DIAPH3: variants seen among roughly 807,000 people sequenced by gnomAD.
DIAPH3 encodes diaphanous related formin 3, also known as protein diaphanous homolog 3.
DIAPH3 carries 117 observed loss-of-function variants against 144.3 expected under a neutral mutation model. The ratio of observed to expected loss-of-function variants is 0.81; its 90% CI spans 0.70 to 0.95. The LOEUF (loss-of-function observed/expected upper bound fraction) is 0.95, where lower values mean the gene tolerates loss of function less well. DIAPH3 is among the 40% of genes least tolerant of loss of function. The pLI is 0.00. For missense variants in DIAPH3, 1,421 were observed against 1,412.7 expected, an observed-to-expected ratio of 1.01 and a Z score of -0.09; for synonymous variants, 519 against 488.9, an observed-to-expected ratio of 1.06 and a Z score of -0.81.
At chr13:59,725,482 T>C (rs2035563790) in intron 27 of DIAPH3, among the ~76,000 whole-genome samples, 1 of 152,202 alleles carries the variant, frequency 6.6e-6, no homozygotes, top group Non-Finnish European at 1.5e-5. Flanking sequence ...CAGCTTTCAT[T>C]AGTCACTGCA....
chr13:59,886,332 C>A (rs1193848010), intron 20 of DIAPH3, among the ~76,000 whole-genome samples: 1 of 152,030 alleles, frequency 6.6e-6, no homozygotes, highest in East Asian at 1.9e-4. Flanking sequence ...CTATTTCTAA[C>A]CTTCTAGAAA....
intron 17 of DIAPH3, among the ~76,000 whole-genome samples, chr13:59,939,178 G>A (rs2048400999): frequency 6.6e-6 from 1 of 152,114 alleles, no homozygotes; most frequent in Non-Finnish European, 1.5e-5. Flanking sequence ...TTCCCAAGAG[G>A]TGTTCAAAGG....
intron 5 of DIAPH3, among the ~76,000 whole-genome samples, chr13:60,022,725 ACT>A (rs2141032632): frequency 6.6e-6 from 1 of 152,180 alleles, no homozygotes; most frequent in Non-Finnish European, 1.5e-5. Context: ...CACTGCAATG[ACT>A]CTGTTTCCAA....
At chr13:60,034,227 T>C (rs963059267) in intron 5 of DIAPH3, among the ~76,000 whole-genome samples, 5 of 152,196 alleles carry the variant, frequency 3.3e-5, no homozygotes, top group Non-Finnish European at 1.5e-5. Context: ...TTCATACTGA[T>C]AGCTGTAAAG....
At chr13:59,859,576 C>T (rs867808932) in intron 22 of DIAPH3, among the ~76,000 whole-genome samples, 2 of 152,040 alleles carry the variant, frequency 1.3e-5, no homozygotes, top group African/African-American at 2.4e-5. Flanking sequence ...AAAAAACTCC[C>T]GGTGTATTTC....
intron 27 of DIAPH3, among the ~76,000 whole-genome samples, chr13:59,682,404 C>T (rs1174474959): frequency 6.6e-6 from 1 of 152,142 alleles, no homozygotes; most frequent in African/African-American, 2.4e-5. Flanking sequence ...TCACTGTAGC[C>T]TCAAAATCCT....
chr13:59,831,306 G>C (rs2041765958), intron 24 of DIAPH3, among the ~76,000 whole-genome samples: 1 of 151,808 alleles, frequency 6.6e-6, no homozygotes, highest in Non-Finnish European at 1.5e-5. Flanking sequence ...ATAGAACTCA[G>C]AAAAGCCATT....
At chr13:59,901,536 TACTATCTG>T (rs1472181695) in intron 20 of DIAPH3, among the ~76,000 whole-genome samples, 1 of 152,200 alleles carries the variant, frequency 6.6e-6, no homozygotes, top group Non-Finnish European at 1.5e-5. Flanking sequence ...GAGCATTCAC[TACTATCTG>T]ATATTACATT....
At chr13:60,069,463 G>A (rs933245716) in intron 4 of DIAPH3, among the ~76,000 whole-genome samples, 1 of 151,982 alleles carries the variant, frequency 6.6e-6, no homozygotes, top group Admixed American at 6.6e-5. Flanking sequence ...TTTGCTGTGA[G>A]GGTGCTCTTT....
intron 17 of DIAPH3, among the ~76,000 whole-genome samples, chr13:59,948,931 A>T (rs1328870803): frequency 6.6e-6 from 1 of 152,162 alleles, no homozygotes; most frequent in Non-Finnish European, 1.5e-5. Flanking sequence ...TCATTTAAAG[A>T]TCTAATTTAA....
At chr13:59,724,861 G>A (rs561452999) in intron 27 of DIAPH3, among the ~76,000 whole-genome samples, 1 of 152,260 alleles carries the variant, frequency 6.6e-6, no homozygotes, top group East Asian at 1.9e-4. Context: ...GGCTATATGA[G>A]TTGAAAATAA....
chr13:60,076,312 AC>A (rs988211899), intron 4 of DIAPH3, among the ~76,000 whole-genome samples: 13 of 152,044 alleles, frequency 8.6e-5, no homozygotes, highest in African/African-American at 2.9e-4. Flanking sequence ...CAGCATTCCG[AC>A]ACCTCTCTCT....
intron 4 of DIAPH3, among the ~76,000 whole-genome samples, chr13:60,062,213 A>T (rs1321449473): frequency 1.3e-5 from 2 of 152,204 alleles, no homozygotes; most frequent in Admixed American, 6.6e-5. Context: ...AAAACATTTT[A>T]AAAAATTTTT....
At chr13:59,932,007 C>T (rs898996104) in intron 17 of DIAPH3, among the ~76,000 whole-genome samples, 3 of 152,062 alleles carry the variant, frequency 2.0e-5, no homozygotes, top group Non-Finnish European at 4.4e-5. Context: ...TCTCCTTATT[C>T]CCAGAATTTA....
chr13:60,104,840 C>G (rs1488547483), intron 3 of DIAPH3, among the ~76,000 whole-genome samples: 1 of 151,994 alleles, frequency 6.6e-6, no homozygotes, highest in East Asian at 1.9e-4. Context: ...GCCAGTAATC[C>G]CAGCACTTTG....
chr13:59,726,948 TC>T (rs1287846505), intron 27 of DIAPH3, among the ~76,000 whole-genome samples: 1 of 152,188 alleles, frequency 6.6e-6, no homozygotes, highest in Non-Finnish European at 1.5e-5. Flanking sequence ...AATATACTCA[TC>T]TATAAAGCCT....
At chr13:59,848,312 T>C (rs1475805103) in intron 22 of DIAPH3, among the ~76,000 whole-genome samples, 1 of 149,938 alleles carries the variant, frequency 6.7e-6, no homozygotes, top group African/African-American at 2.4e-5. Flanking sequence ...CAAATCTTTT[T>C]TTTTTTTTTT....
intron 12 of DIAPH3, among the ~76,000 whole-genome samples, chr13:59,986,678 A>G (rs1382394065): frequency 7.1e-6 from 1 of 141,112 alleles, no homozygotes; most frequent in Non-Finnish European, 1.6e-5. Context: ...ATGAACAGAC[A>G]CTTCTCAAAA....
At chr13:59,897,052 G>A (rs9563773) in intron 20 of DIAPH3, among the ~76,000 whole-genome samples, 11,670 of 152,154 alleles carry the variant, frequency 0.077, 752 homozygotes, top group East Asian at 0.39. Flanking sequence ...CTCAAAAAGA[G>A]TTATTAAAAA....
Sources: allele counts gnomAD v4.1 joint callset (sites outside exome capture counted in the v4.1 genomes callset), GRCh38; gene constraint gnomAD v4.1.1; transcripts MANE v1.5; gene names NCBI Gene and HGNC (gene_info 2026-07-23, HGNC 2026-07-21).